The following DPY30 variants were observed in gnomAD, a reference collection of about 807,000 sequenced individuals.
DPY30 encodes the protein protein dpy-30 homolog.
A neutral mutation model predicts 16.2 loss-of-function variants in DPY30; 6 were observed. The observed-to-expected ratio is 0.37, with a 90% CI of 0.20 to 0.73. DPY30 has a LOEUF of 0.73. DPY30 is among the 30% of genes least tolerant of loss of function. The pLI is 0.51. For synonymous variants in DPY30, 39 were observed against 38.8 expected (o/e 1.00, Z -0.02); for missense variants, 73 against 113.1 (o/e 0.65, Z 1.61).
chr2:32,034,871 T>C (rs1675676853), intron 3 of DPY30, among the ~76,000 whole-genome samples: 1 of 151,226 alleles, frequency 6.6e-6, no homozygotes, highest in South Asian at 2.1e-4. Context: ...TGGTGGCACA[T>C]GCCTGTGATT....
At chr2:32,037,714 C>T (rs922736717) in intron 3 of DPY30, among the ~76,000 whole-genome samples, 3 of 151,890 alleles carry the variant, frequency 2.0e-5, no homozygotes, top group African/African-American at 7.3e-5. Context: ...CTTGCCACCA[C>T]GCCTGGCTAA....
intron 3 of DPY30, among the ~76,000 whole-genome samples, chr2:32,033,872 G>A (rs1311371768): frequency 6.6e-6 from 1 of 152,096 alleles, no homozygotes; most frequent in Non-Finnish European, 1.5e-5. Context: ...AACAAACAAT[G>A]AGCTGATAAG....
At position 32,039,804 on chromosome 2, in the gene DPY30, G is replaced by A; in HGVS notation, c.-108C>T. 2.8e-6 allele frequency: 1 copy of A among 360,312 alleles called. No individual in the cohort carries two copies. The highest frequency in any genetic ancestry group is 4.2e-5 in the South Asian group (1 of 24,088). The allele number at this position is 360,312 out of a possible 1,614,324, so 22.3% of individuals were successfully genotyped here. ...GCTCCCAGCACAAACAGCTCCGGCC[G>A]TAAGTGACGGCTGTCGCACGACTGC... On this transcript the variant is annotated 5_prime_UTR_variant, in exon 1 of 5. In the 5' UTR this introduces an upstream ATG that the reference lacks. Coordinates refer to ENST00000342166, the MANE Select transcript of DPY30 (RefSeq NM_001321209.2).
downstream of DPY30, chr2:32,023,794 C>A: frequency 7.7e-7 from 1 of 1,306,984 alleles, no homozygotes; most frequent in Non-Finnish European, 1.0e-6. Flanking sequence ...TGTATTTTCT[C>A]TCTGTTGTAA....
chr2:32,036,742 G>A (rs527848646), intron 3 of DPY30, among the ~76,000 whole-genome samples: 7 of 151,626 alleles, frequency 4.6e-5, no homozygotes, highest in African/African-American at 1.5e-4. Context: ...GTTGGCGGGT[G>A]CCTGTAGTCC....
Position 32,033,535 on chromosome 2 carries a change from G to C in DPY30, c.85-3799C>G, listed in dbSNP as rs1021842340. On this transcript the variant is annotated intron_variant, in intron 3 of 4. Coordinates refer to ENST00000342166, the MANE Select transcript of DPY30 (RefSeq NM_001321209.2). ...TAAAAATACAAAACTAGCCAGGCGT[G>C]GTGGCACATGCCTGTAATCCCAGCT... is the stretch of plus-strand genomic sequence containing the variant. Among the ~76,000 whole-genome samples the C allele has an allele frequency of 4.6e-5, 7 of 151,952 alleles. No homozygotes were observed. In the South Asian group the frequency reaches 8.3e-4, roughly 18 times the overall value.
intron 4 of DPY30, among the ~76,000 whole-genome samples, chr2:32,027,627 A>ATTTT (rs1190753873): frequency 4.2e-5 from 5 of 117,916 alleles, no homozygotes; most frequent in Non-Finnish European, 8.6e-5. Context: ...CAAGATACCC[A>ATTTT]TTTTTTTTTT....
downstream of DPY30, among the ~76,000 whole-genome samples, chr2:32,022,333 A>G (rs1675203294): frequency 6.6e-6 from 1 of 152,168 alleles, no homozygotes; most frequent in Non-Finnish European, 1.5e-5. Flanking sequence ...AATACTTATG[A>G]AAACTACTAT....
At chr2:32,039,671 A>T in intron 1 of DPY30, 62 bp downstream of exon 1, 1 of 612,158 alleles carries the variant, frequency 1.6e-6, no homozygotes, top group Non-Finnish European at 2.9e-6. Context: ...GGGTCTGGAA[A>T]CTCTACGACA....
intron 5 of DPY30, among the ~76,000 whole-genome samples, chr2:32,016,795 C>T (rs1028212236): frequency 2.0e-5 from 3 of 152,122 alleles, no homozygotes; most frequent in Non-Finnish European, 4.4e-5. Flanking sequence ...TACTAAACGA[C>T]GTCATCATTA....
chr2:32,039,732 C>G lies in DPY30; in HGVS notation c.-37+1G>C. 1.8e-6 allele frequency: 1 copy of G among 561,030 alleles called. No individual in the cohort carries two copies. The highest frequency in any genetic ancestry group is 3.2e-6 in the Non-Finnish European group (1 of 313,586). The allele number at this position is 561,030 out of a possible 1,614,324, so 34.8% of individuals were successfully genotyped here. A position where few individuals can be genotyped will look rare whatever the true frequency, so the allele number is the denominator to read the frequency against. On this transcript the variant is annotated splice_donor_variant, in intron 1 of 4. Transcript: ENST00000342166. LOFTEE classifies it low-confidence loss of function (5UTR_SPLICE). Reference sequence around the variant, plus strand: ...AAAGTGGGGGAAAGGGAGCTGATTACCCGCGCCCAAGCCGTTCGTTCTTAA... The same window carrying G: ...AAAGTGGGGGAAAGGGAGCTGATTAGCCGCGCCCAAGCCGTTCGTTCTTAA...
chr2:32,033,532 C>T lies in DPY30; in HGVS notation c.85-3796G>A, dbSNP rs536995603. Among the ~76,000 whole-genome samples, 4 of 151,916 alleles carry T rather than the reference C, an allele frequency of 2.6e-5. No individual in the cohort carries two copies. In the East Asian group the frequency reaches 7.8e-4, roughly 30 times the overall value. ...TATTAAAAATACAAAACTAGCCAGGCGTGGTGGCACATGCCTGTAATCCCA... is the reference window on the plus strand; with the variant it reads ...TATTAAAAATACAAAACTAGCCAGGTGTGGTGGCACATGCCTGTAATCCCA... On this transcript the variant is annotated intron_variant, in intron 3 of 4. Coordinates refer to ENST00000342166, the MANE Select transcript of DPY30 (RefSeq NM_001321209.2).
chr2:32,034,609 G>A (rs1558591764), intron 3 of DPY30, among the ~76,000 whole-genome samples: 2 of 152,142 alleles, frequency 1.3e-5, no homozygotes, highest in Non-Finnish European at 2.9e-5. Context: ...AGATTTGGAA[G>A]GGACAAATAT....
chr2:32,013,285 T>G (rs1291225971), intron 5 of DPY30: 2 of 152,210 alleles, frequency 1.3e-5, no homozygotes, highest in African/African-American at 2.4e-5. Flanking sequence ...AATTTAAAAT[T>G]CAGCTTTCTC....
downstream of DPY30, among the ~76,000 whole-genome samples, chr2:32,022,862 A>T (rs12990358): frequency 0.15 from 22,783 of 152,048 alleles, 1,949 homozygotes; most frequent in African/African-American, 0.23. Flanking sequence ...CATGTTTAGC[A>T]TGGAGACACA....
At chr2:32,026,040 G>A (rs2366547) in intron 4 of DPY30, among the ~76,000 whole-genome samples, 43,365 of 151,846 alleles carry the variant, frequency 0.29, 6,485 homozygotes, top group East Asian at 0.55. Flanking sequence ...CTGGGAGTTC[G>A]AGGCTTCAGT....
At chr2:32,027,072 T>TA (rs1675360120) in intron 4 of DPY30, among the ~76,000 whole-genome samples, 1 of 151,858 alleles carries the variant, frequency 6.6e-6, no homozygotes, top group Non-Finnish European at 1.5e-5. Flanking sequence ...GGTCAGGAGT[T>TA]AGAGACCAGC....
intron 4 of DPY30, among the ~76,000 whole-genome samples, chr2:32,025,785 G>A (rs977000111): frequency 6.1e-5 from 9 of 147,552 alleles, no homozygotes; most frequent in Admixed American, 4.8e-4. Context: ...AAAAAAAACC[G>A]TACTTGGGCC....
intron 3 of DPY30, among the ~76,000 whole-genome samples, chr2:32,030,064 CAAAAAAA>C (rs398042393): frequency 1.9e-5 from 2 of 102,700 alleles, no homozygotes; most frequent in Non-Finnish European, 2.1e-5. Flanking sequence ...AGTGTGTTCC[CAAAAAAA>C]AAAAAAAAAA....
Sources: allele counts gnomAD v4.1 joint callset (sites outside exome capture counted in the v4.1 genomes callset), GRCh38; gene constraint gnomAD v4.1.1; transcripts MANE v1.5; gene names NCBI Gene and HGNC (gene_info 2026-07-23, HGNC 2026-07-21).